The following FBXO40 variants were observed in gnomAD, a reference collection of about 807,000 sequenced individuals.
FBXO40 encodes the protein F-box protein 40, also known as F-box only protein 40.
A neutral mutation model predicts 49.9 loss-of-function variants in FBXO40; 50 were observed. The observed-to-expected ratio is 1.00, with a 90% confidence interval of 0.80 to 1.27. The LOEUF is 1.27. Among genes scored for constraint, FBXO40 ranks in the 50% most tolerant of loss-of-function variants. FBXO40 has a pLI of 0.00. For missense variants in FBXO40, 895 were observed against 870.1 expected, an observed-to-expected ratio of 1.03 and a Z score of -0.36; for synonymous variants, 340 against 320.2, an observed-to-expected ratio of 1.06 and a Z score of -0.66.
intron 1 of FBXO40, among the ~76,000 whole-genome samples, chr3:121,602,311 A>G (rs2048904795): frequency 1.3e-5 from 2 of 151,996 alleles, no homozygotes. Context: ...CTGCATCTCC[A>G]CATTCCAGTC....
At chr3:121,621,285 T>C (rs2049028077) in intron 2 of FBXO40, 148 bp from the exon 3 acceptor site, 6 of 636,592 alleles carry the variant, frequency 9.4e-6, no homozygotes, top group Non-Finnish European at 1.6e-5. Flanking sequence ...TTCTGGATTG[T>C]GGGATTGTGA....
chr3:121,621,458 G>GGGAAA lies in FBXO40; in HGVS notation c.30_31insGAAAG (p.His11GlufsTer27). 1 of 1,613,896 alleles carries GGGAAA rather than the reference G, an allele frequency of 6.2e-7. No individual in the cohort carries two copies. Among genetic ancestry groups the GGGAAA allele is most frequent in the South Asian group, 1.1e-5 (1 of 91,040 alleles). On this transcript the variant is annotated frameshift_variant, in exon 3 of 4. Transcript: ENST00000338040. LOFTEE classifies it high-confidence loss of function. ...GGGAAAGCCCGCAGATCCCCGCCAG[G>GGGAAA]GCACCACAGGCATTGTGAGGGATGC...
chr3:121,593,939 C>T (rs2048856219), intron 1 of FBXO40, among the ~76,000 whole-genome samples: 1 of 152,038 alleles, frequency 6.6e-6, no homozygotes, highest in Admixed American at 6.6e-5. Flanking sequence ...CATCTTGGCT[C>T]ACTGCAGCCC....
Position 121,622,877 on chromosome 3 carries a change from T to G in FBXO40, c.1448T>G (p.Phe483Cys). The change falls in exon 3 of 4, where the codon TTC becomes TGC. Residue 483 changes from phenylalanine (F) to cysteine (C), a missense_variant. Coordinates refer to ENST00000338040, the MANE Select transcript of FBXO40 (RefSeq NM_016298.4). ...SAFTFTCNKF[F>C]RRDEFPLHFK... ...TTCACTTTCACTTGCAACAAATTCT[T>G]CAGGAGGGATGAGTTCCCCCTGCAC... 1 of 1,614,178 alleles carries G rather than the reference T, an allele frequency of 6.2e-7. No homozygotes were observed. Among genetic ancestry groups the G allele is most frequent in the Non-Finnish European group, 8.5e-7 (1 of 1,180,034 alleles).
chr3:121,607,748 T>C (rs1353931171), intron 1 of FBXO40, among the ~76,000 whole-genome samples: 6 of 152,278 alleles, frequency 3.9e-5, no homozygotes, highest in East Asian at 1.9e-4. Context: ...TTCACCCAGA[T>C]AGGCTCCTTT....
chr3:121,600,204 T>C (rs986047057), intron 1 of FBXO40, among the ~76,000 whole-genome samples: 3 of 148,016 alleles, frequency 2.0e-5, no homozygotes, highest in Non-Finnish European at 4.5e-5. Context: ...ATTTTTTTTT[T>C]TTTTTTTTTT....
chr3:121,606,138 C>A (rs2048931116), intron 1 of FBXO40, among the ~76,000 whole-genome samples: 1 of 152,204 alleles, frequency 6.6e-6, no homozygotes, highest in Middle Eastern at 3.2e-3. Context: ...GGAAGACTAA[C>A]CTTGCCCCCA....
rs762146348 is a variant in FBXO40 at position 121,626,790 on chromosome 3, C to T, written c.2010C>T (p.Asn670=). ...MSEHLKSCPF[N]IVEHKTDPIL... ...AGCACCTGAAGTCCTGTCCTTTCAA[C>T]ATTGTAGAGCACAAAACTGACCCGA... is the stretch of plus-strand genomic sequence containing the variant. The change falls in exon 4 of 4, where the codon AAC becomes AAT. Residue 670 remains asparagine, a synonymous_variant. Transcript: ENST00000338040. 6 of 1,614,090 alleles carry T rather than the reference C, an allele frequency of 3.7e-6. No individual in the cohort carries two copies. The South Asian group carries it at 6.6e-5, about 18-fold the overall frequency.
At position 121,621,740 on chromosome 3, in the gene FBXO40, A is replaced by G. The variant is rs1202372469; in HGVS notation, c.311A>G (p.Asn104Ser). ...CCSMEWNRWP[N>S]VDSETTLHEN... is the part of the protein sequence containing the mutation. Reference sequence around the variant, plus strand: ...TCCATGGAGTGGAACCGCTGGCCAAATGTGGACTCTGAAACCACCCTTCAT... The same window carrying G: ...TCCATGGAGTGGAACCGCTGGCCAAGTGTGGACTCTGAAACCACCCTTCAT... Residue 104 changes from asparagine to serine, a missense_variant, in exon 3 of 4, where the codon AAT (asparagine) becomes AGT (serine). Asn to Ser is a conservative substitution (Grantham distance 46). Coordinates refer to ENST00000338040, the MANE Select transcript of FBXO40 (RefSeq NM_016298.4). 2.5e-6 allele frequency: 4 copies of G among 1,614,196 alleles called. No homozygotes were observed. The highest frequency in any genetic ancestry group is 3.4e-6 in the Non-Finnish European group (4 of 1,180,022).
chr3:121,612,884 A>C (rs1335518121), intron 1 of FBXO40, among the ~76,000 whole-genome samples: 1 of 152,032 alleles, frequency 6.6e-6, no homozygotes, highest in Admixed American at 6.6e-5. Context: ...CCTGGCTAAC[A>C]CAGTGAAACC....
rs147521206 is a variant in FBXO40, at chr3:121,626,813, C to A, written c.2033C>A (p.Pro678Gln). Reference sequence around the variant, plus strand: ...AACATTGTAGAGCACAAAACTGACCCGATTCTTTTGACTAGCATGTGTCAG... The same window carrying A: ...AACATTGTAGAGCACAAAACTGACCAGATTCTTTTGACTAGCATGTGTCAG... ...PFNIVEHKTD[P>Q]ILLTSMCQPR... The change falls in exon 4 of 4, where the codon CCG (proline) becomes CAG (glutamine). Residue 678 changes from proline to glutamine, a missense_variant. Physicochemically the swap from Pro to Gln is moderately conservative, Grantham distance 76 (BLOSUM62 -1). Coordinates refer to ENST00000338040, the MANE Select transcript of FBXO40 (RefSeq NM_016298.4). The A allele has an allele frequency of 6.2e-7, 1 of 1,614,114 alleles. No homozygotes were observed.
chr3:121,622,597 C>G lies in FBXO40; in HGVS notation c.1168C>G (p.Leu390Val), dbSNP rs1208062988. The change falls in exon 3 of 4, where the codon CTG becomes GTG. Residue 390 changes from leucine (L) to valine (V), a missense_variant. Physicochemically the swap from Leu to Val is conservative, Grantham distance 32 (BLOSUM62 1). Transcript: ENST00000338040. ...TSDLGITVED[L>V]PKSDLIKTTL... ...AGATTTGGGGATCACTGTGGAGGACCTGCCCAAATCAGATCTCATCAAGAC... is the reference window on the plus strand; with the variant it reads ...AGATTTGGGGATCACTGTGGAGGACGTGCCCAAATCAGATCTCATCAAGAC... 1.2e-6 allele frequency: 2 copies of G among 1,614,062 alleles called. No individual in the cohort carries two copies. Among genetic ancestry groups the G allele is most frequent in the South Asian group, 1.1e-5 (1 of 91,084 alleles).
intron 1 of FBXO40, among the ~76,000 whole-genome samples, chr3:121,595,970 G>T (rs1043709868): frequency 1.3e-5 from 2 of 152,148 alleles, no homozygotes; most frequent in African/African-American, 4.8e-5. Context: ...ATCATGTGAG[G>T]GGTGCTGAGA....
At chr3:121,619,524 TTTTTATTTCGATA>T (rs2108850323) in intron 1 of FBXO40, among the ~76,000 whole-genome samples, 1 of 152,342 alleles carries the variant, frequency 6.6e-6, no homozygotes, top group Admixed American at 6.5e-5. Context: ...ATTCAGAGTA[TTTTTATTTCGATA>T]TATTATGTAG....
At chr3:121,624,687 T>G (rs1492177) in intron 3 of FBXO40, among the ~76,000 whole-genome samples, 36,198 of 152,084 alleles carry the variant, frequency 0.24, 4,889 homozygotes, top group Admixed American at 0.42. Flanking sequence ...TTTGAGCAGG[T>G]GCTGTCCCTC....
rs1354062675 is a variant in FBXO40 at position 121,628,885 on chromosome 3, G to A, written c.*1975G>A. 6.6e-6 allele frequency: 1 copy of A among 152,172 alleles called. No individual in the cohort carries two copies. The highest frequency in any genetic ancestry group is 1.5e-5 in the Non-Finnish European group (1 of 68,036). 9.4% of individuals were successfully genotyped at this position (152,172 alleles called of 1,614,324 possible). Reference sequence around the variant, plus strand: ...TCTCTTTGGTTATACCTGAAGCCAGGAGCGTTGAGTTATTAGCCTTGTGTT... The same window carrying A: ...TCTCTTTGGTTATACCTGAAGCCAGAAGCGTTGAGTTATTAGCCTTGTGTT... On this transcript the variant is annotated 3_prime_UTR_variant, in exon 4 of 4. Coordinates refer to ENST00000338040, the MANE Select transcript of FBXO40 (RefSeq NM_016298.4).
At chr3:121,616,081 C>T (rs552383561) in intron 1 of FBXO40, among the ~76,000 whole-genome samples, 11 of 152,252 alleles carry the variant, frequency 7.2e-5, no homozygotes, top group Admixed American at 1.3e-4. Flanking sequence ...ACAGTCCAAC[C>T]CTCTCAGCCA....
intron 1 of FBXO40, among the ~76,000 whole-genome samples, chr3:121,598,137 A>G (rs1296492169): frequency 1.3e-5 from 2 of 152,246 alleles, no homozygotes; most frequent in Admixed American, 6.5e-5. Flanking sequence ...AGGAGTCCAC[A>G]GAGCAAATAC....
At chr3:121,614,626 A>C (rs1211820180) in intron 1 of FBXO40, among the ~76,000 whole-genome samples, 2 of 152,098 alleles carry the variant, frequency 1.3e-5, no homozygotes, top group East Asian at 3.9e-4. Context: ...CATAGGGCCA[A>C]ATCCGTTTTC....
Sources: allele counts gnomAD v4.1 joint callset (sites outside exome capture counted in the v4.1 genomes callset), GRCh38; gene constraint gnomAD v4.1.1; transcripts MANE v1.5; gene names NCBI Gene and HGNC (gene_info 2026-07-23, HGNC 2026-07-21).